MUC4: variants seen among roughly 807,000 people sequenced by gnomAD.
The protein encoded by MUC4 is mucin 4, cell surface associated.
MUC4 carries 202 observed loss-of-function variants against 257.9 expected under a neutral mutation model. The observed-to-expected ratio is 0.78, with a 90% confidence interval of 0.70 to 0.88. The LOEUF (loss-of-function observed/expected upper bound fraction) is 0.88, where lower values mean the gene tolerates loss of function less well. Ranked by LOEUF, MUC4 falls within the 40% of genes least tolerant of loss-of-function variation. The pLI is 0.00. For synonymous variants in MUC4, 2,351 were observed against 2,757.1 expected, an observed-to-expected ratio of 0.85 and a Z score of 4.62; for missense variants, 5,976 against 6,513.7, an observed-to-expected ratio of 0.92 and a Z score of 2.84.
At position 195,782,922 on chromosome 3, in the gene MUC4, A is replaced by AAG. The variant is rs1729016483; in HGVS notation, c.8657_8658insCT (p.Ser2887PhefsTer118). On this transcript the variant is annotated frameshift_variant, in exon 2 of 25. Coordinates refer to ENST00000463781, the MANE Select transcript of MUC4 (RefSeq NM_018406.7). LOFTEE classifies it high-confidence loss of function. ...TAGCGTGACCTGTGGACACTGAGGA[A>AAG]GCGTCGGTGACAGGAAGAGGGGTGG... 6.7e-7 allele frequency: 1 copy of AAG among 1,502,552 alleles called. No homozygotes were observed. The highest frequency in any genetic ancestry group is 8.9e-7 in the Non-Finnish European group (1 of 1,120,006). 93.1% of individuals were successfully genotyped at this position (1,502,552 alleles called of 1,614,324 possible).
Position 195,788,329 on chromosome 3 carries a change from C to G in MUC4, c.3251G>C (p.Gly1084Ala), listed in dbSNP as rs1200683515. The change falls in exon 2 of 25, where the codon GGT (glycine) becomes GCT (alanine). Residue 1084 changes from glycine to alanine, a missense_variant. Physicochemically the swap from Gly to Ala is moderately conservative, Grantham distance 60. This residue lies in a region of MUC4 where 68 missense variants were observed against 90.4 expected (regional missense o/e 0.75). Transcript: ENST00000463781. ...PVTSLSSAST[G>A]DTTPLPVTDT... ...AGTGACAGGAAGAGGGGTGGTGTCA[C>G]CTGTGGATGCTGAGGAAAGGCTGGT... 3 of 1,543,776 alleles carry G rather than the reference C, an allele frequency of 1.9e-6. No homozygotes were observed.
intron 19 of MUC4, 96 bp from the exon 20 acceptor site, chr3:195,753,326 C>G: frequency 7.7e-7 from 1 of 1,303,692 alleles, no homozygotes; most frequent in Non-Finnish European, 1.1e-6. Context: ...TTGCTTTCCC[C>G]CAGTGTTCCA....
intron 18 of MUC4, among the ~76,000 whole-genome samples, chr3:195,756,642 CTTTCTTTTCTTTTCTTTTCT>C (rs71698407): frequency 7.1e-6 from 1 of 140,108 alleles, no homozygotes; most frequent in East Asian, 2.1e-4. Flanking sequence ...CTCCTTCTTT[CTTTCTTTTCTTTTCTTTTCT>C]TTTCTTTTCT....
Position 195,755,466 on chromosome 3 carries a change from C to A in MUC4, c.15169-1094G>T, listed in dbSNP as rs1334143983. On this transcript the variant is annotated intron_variant, in intron 18 of 24. Transcript: ENST00000463781. This position sits in a 1 kb window ranked among gnomAD's most constrained non-coding sequence, Gnocchi z 5.0. The stretch of plus-strand genomic sequence containing the variant: ...CTGCCTCAGGCTCCTATGTGGCCTG[C>A]AAACTGGATTTCATATAAGCTGAAA... 6.6e-6 allele frequency among the ~76,000 whole-genome samples: 1 copy of A among 152,098 alleles called. No individual in the cohort carries two copies. The highest frequency in any genetic ancestry group is 1.5e-5 in the Non-Finnish European group (1 of 68,028).
In MUC4 at chr3:195,788,140, G is replaced by A. The variant is rs1319405709; in HGVS notation, c.3440C>T (p.Thr1147Ile). 1.0e-5 allele frequency: 15 copies of A among 1,459,228 alleles called. 1 individual carries two copies. Among genetic ancestry groups the A allele is most frequent in the African/African-American group, 1.4e-5 (1 of 68,974 alleles). The allele number at this position is 1,459,228 out of a possible 1,614,324, so 90.4% of individuals were successfully genotyped here. The change falls in exon 2 of 25, where the codon ACA becomes ATA. Residue 1147 changes from threonine (T) to isoleucine (I), a missense_variant. Transcript: ENST00000463781. The stretch of plus-strand genomic sequence containing the variant: ...GACATGAAGAGGGGTGGTGTGACCT[G>A]TGGATACTGAGGAAGTGTCGGTGAC... ...LPVTDTSSVSTGHTTPLHVTD... is the reference protein window; with the variant it reads ...LPVTDTSSVSIGHTTPLHVTD...
chr3:195,748,330 A>G (rs1455251604), intron 24 of MUC4, among the ~76,000 whole-genome samples: 1 of 152,268 alleles, frequency 6.6e-6, no homozygotes, highest in Admixed American at 6.5e-5. Context: ...TTGGGAGGCC[A>G]AGGTGGACGG....
intron 2 of MUC4, 126 bp downstream of exon 2, chr3:195,778,663 TC>T: frequency 7.7e-7 from 1 of 1,293,012 alleles, no homozygotes; most frequent in Admixed American, 2.4e-5. Context: ...CATCACCTCC[TC>T]CCCTGTGGGA....
intron 3 of MUC4, 42 bp downstream of exon 3, chr3:195,778,261 A>G (rs767479729): frequency 1.9e-6 from 3 of 1,545,162 alleles, no homozygotes; most frequent in South Asian, 1.2e-5. Flanking sequence ...CTTCAGTTAC[A>G]TCACCCCTCA....
intron 1 of MUC4, among the ~76,000 whole-genome samples, chr3:195,806,148 C>T (rs751561786): frequency 7.9e-5 from 12 of 152,082 alleles, no homozygotes; most frequent in Non-Finnish European, 1.5e-4. Flanking sequence ...ACATAAAATT[C>T]ATAATCTATT....
intron 1 of MUC4, among the ~76,000 whole-genome samples, chr3:195,802,346 C>T (rs1028381307): frequency 2.7e-5 from 3 of 110,066 alleles, no homozygotes; most frequent in East Asian, 6.6e-4. Flanking sequence ...TTGACTACTG[C>T]GGCAGCCTCC....
rs1553870983 is a variant in MUC4 at position 195,780,336 on chromosome 3, G to T, written c.11244C>A (p.Thr3748=). The change falls in exon 2 of 25, where the codon ACC becomes ACA. Residue 3748 remains threonine (T), a synonymous_variant. Transcript: ENST00000463781. ...STGHVTPLPV[T]STSSASTGHA... ...GACCTGTGGATGCTGAGGAAGTGCT[G>T]GTGACAGGAAGAGGGGTGACGTGAC... 2 of 1,528,242 alleles carry T rather than the reference G, an allele frequency of 1.3e-6. No homozygotes were observed. Among genetic ancestry groups the T allele is most frequent in the Non-Finnish European group, 1.8e-6 (2 of 1,133,786 alleles). 94.7% of individuals were successfully genotyped at this position (1,528,242 alleles called of 1,614,324 possible). A position where few individuals can be genotyped will look rare whatever the true frequency, so the allele number is the denominator to read the frequency against.
In MUC4 at chr3:195,789,618, G is replaced by A. The variant is rs371051811; in HGVS notation, c.1962C>T (p.Ser654=). The A allele has an allele frequency of 8.0e-5, 129 of 1,613,846 alleles. No homozygotes were observed. The highest frequency in any genetic ancestry group is 3.3e-4 in the Middle Eastern group (2 of 6,084). Residue 654 remains serine (S), a synonymous_variant, in exon 2 of 25, where the codon TCC becomes TCT. Coordinates refer to ENST00000463781, the MANE Select transcript of MUC4 (RefSeq NM_018406.7). ...QTTQESQTTR[S]VSPMTDTKTV... ...TCTTGGTGTCAGTCATGGGGGAGACGGACCTCGTGGTTTGTGATTCTTGTG... is the reference window on the plus strand; with the variant it reads ...TCTTGGTGTCAGTCATGGGGGAGACAGACCTCGTGGTTTGTGATTCTTGTG...
chr3:195,774,187 G>A lies in MUC4; in HGVS notation c.13062C>T (p.Leu4354=). 1.9e-6 allele frequency: 3 copies of A among 1,608,588 alleles called. No homozygotes were observed. The highest frequency in any genetic ancestry group is 2.5e-6 in the Non-Finnish European group (3 of 1,177,776). ...PATGFPLGSS[L]RDSLYFTDNG... The stretch of plus-strand genomic sequence containing the variant: ...CCGGACTCACGTAGAGGGAATCACG[G>A]AGAGAGGAGCCAAGGGGGAAGCCAG... Residue 4354 remains leucine, a synonymous_variant, in exon 4 of 25, where the codon CTC becomes CTT. Coordinates refer to ENST00000463781, the MANE Select transcript of MUC4 (RefSeq NM_018406.7).
At position 195,779,402 on chromosome 3, in the gene MUC4, C is replaced by G. The variant is rs377584277; in HGVS notation, c.12178G>C (p.Gly4060Arg). The change falls in exon 2 of 25, where the codon GGT becomes CGT. Residue 4060 changes from glycine to arginine, a missense_variant. Physicochemically the swap from Gly to Arg is moderately radical, Grantham distance 125. Around this residue, in one of 44 missense-constraint regions of MUC4, gnomAD observed 293 missense variants for 294.5 expected, o/e 1.00. Coordinates refer to ENST00000463781, the MANE Select transcript of MUC4 (RefSeq NM_018406.7). ...PVTNASSLST[G>R]HATPLHVTSP... ...GTGACATGAAGAGGGGTGGCGTGAC[C>G]TGTGGATAATGAGGAAGCATTGGTG... 3.3e-4 allele frequency: 269 copies of G among 818,850 alleles called. 1 individual carries two copies. Among genetic ancestry groups the G allele is most frequent in the East Asian group, 1.6e-3 (37 of 23,338 alleles). 50.7% of individuals were successfully genotyped at this position (818,850 alleles called of 1,614,324 possible).
intron 1 of MUC4, among the ~76,000 whole-genome samples, chr3:195,804,203 G>A (rs1014440136): frequency 1.6e-4 from 25 of 152,184 alleles, no homozygotes; most frequent in Non-Finnish European, 3.4e-4. Flanking sequence ...CTGCCATCAC[G>A]TCAGCCAGAG....
intron 2 of MUC4, 117 bp downstream of exon 2, chr3:195,778,660 TCCTCCCCTGTGGG>T: frequency 7.8e-7 from 1 of 1,282,606 alleles, no homozygotes; most frequent in Admixed American, 2.4e-5. Context: ...ACCCATCACC[TCCTCCCCTGTGGG>T]ACCTGACACG....
chr3:195,778,271 A>G, intron 3 of MUC4, 32 bp downstream of exon 3: 2 of 1,556,042 alleles, frequency 1.3e-6, no homozygotes, highest in Non-Finnish European at 8.7e-7. Flanking sequence ...ATCACCCCTC[A>G]AAAGGCACAG....
rs1473701085 is a variant in MUC4, at chr3:195,755,760, G to A, written c.15168+1387C>T. On this transcript the variant is annotated intron_variant, in intron 18 of 24. Transcript: ENST00000463781. The surrounding 1 kb of genome is among the most constrained non-coding windows in gnomAD (Gnocchi z 5.0). The stretch of plus-strand genomic sequence containing the variant: ...GATTTCAATCTCTTTTTCCCATTGT[G>A]TATTTTATGCTTTTCTACCCCCTAC... Among the ~76,000 whole-genome samples the A allele has an allele frequency of 6.6e-6, 1 of 152,124 alleles. No homozygotes were observed. Among genetic ancestry groups the A allele is most frequent in the Non-Finnish European group, 1.5e-5 (1 of 68,014 alleles).
Position 195,765,320 on chromosome 3 carries a change from C to A in MUC4, c.13748G>T (p.Cys4583Phe), listed in dbSNP as rs773241828. The A allele has an allele frequency of 4.9e-5, 79 of 1,613,732 alleles. 2 individuals carry two copies. Among genetic ancestry groups the A allele is most frequent in the Non-Finnish European group, 2.5e-5 (30 of 1,179,998 alleles). The change falls in exon 9 of 25, where the codon TGT (cysteine) becomes TTT (phenylalanine). Residue 4583 changes from cysteine (C) to phenylalanine (F), a missense_variant. Physicochemically the swap from Cys to Phe is radical, Grantham distance 205. Coordinates refer to ENST00000463781, the MANE Select transcript of MUC4 (RefSeq NM_018406.7). ...GTCCCGTCGTCCCTGCTGCCAGGAA[C>A]AAGGGCAGGAGACCTGGTTCCAGCC... ...SWGWNQVSCPCSWQQGRRDLR... is the reference protein window; with the variant it reads ...SWGWNQVSCPFSWQQGRRDLR...
Sources: gnomAD v4.1 joint callset for allele counts (sites outside exome capture counted in the v4.1 genomes callset) on GRCh38, gnomAD v4.1.1 for gene constraint, gnomAD v4.1.1 regional missense constraint, Gnocchi (gnomAD v3.1) non-coding constraint, MANE v1.5 for transcripts, NCBI Gene and HGNC (gene_info 2026-07-23, HGNC 2026-07-21) for gene names.